Variants in RAB6A observed in about 807,000 individuals in gnomAD.
RAB6A encodes RAB6A, member RAS oncogene family, also known as ras-related protein Rab-6A.
In RAB6A, 8 loss-of-function variants were observed where a neutral mutation model predicts 32.3. That is an observed-to-expected ratio of 0.25 (90% CI 0.15 to 0.45). The LOEUF (loss-of-function observed/expected upper bound fraction) is 0.45, where lower values mean the gene tolerates loss of function less well. Ranked by LOEUF, RAB6A falls within the 20% of genes least tolerant of loss-of-function variation. The pLI is 1.00. For missense variants in RAB6A, 104 were observed against 249.4 expected (o/e 0.42, Z 3.93); for synonymous variants, 73 against 82.1 (o/e 0.89, Z 0.60).
intron 6 of RAB6A, among the ~76,000 whole-genome samples, chr11:73,680,174 A>C (rs1228847344): frequency 6.6e-6 from 1 of 152,216 alleles, no homozygotes; most frequent in Non-Finnish European, 1.5e-5. Context: ...AAAGCAATAT[A>C]CCAAATACAA....
intron 5 of RAB6A, among the ~76,000 whole-genome samples, chr11:73,709,440 T>TTATTATTAC (rs1555058125): frequency 1.5e-5 from 2 of 137,908 alleles, no homozygotes; most frequent in Admixed American, 7.4e-5. Flanking sequence ...CTTAAGTATA[T>TTATTATTAC]TATTATTATT....
chr11:73,683,548 G>A (rs1247602452), intron 6 of RAB6A, among the ~76,000 whole-genome samples: 3 of 151,074 alleles, frequency 2.0e-5, no homozygotes, highest in South Asian at 4.2e-4. Context: ...ATGCACCACC[G>A]CACCTGGTGG....
chr11:73,689,344 T>G (rs1485132072), intron 6 of RAB6A, among the ~76,000 whole-genome samples: 1 of 152,200 alleles, frequency 6.6e-6, no homozygotes, highest in Non-Finnish European at 1.5e-5. Flanking sequence ...CAATGTGCAG[T>G]TCACAATAGT....
intron 1 of RAB6A, among the ~76,000 whole-genome samples, chr11:73,759,569 G>A (rs1322694985): frequency 6.6e-6 from 1 of 152,036 alleles, no homozygotes. Flanking sequence ...TTTTCCAAAG[G>A]AAATCCGACA....
chr11:73,701,417 T>TACCA (rs1274369324), intron 6 of RAB6A, among the ~76,000 whole-genome samples: 5 of 152,220 alleles, frequency 3.3e-5, no homozygotes, highest in Admixed American at 6.5e-5. Context: ...AAGTCCTGAA[T>TACCA]ACCAGCACAA....
At chr11:73,730,678 A>C (rs1449314177) in intron 2 of RAB6A, 87 bp downstream of exon 2, 1 of 1,059,744 alleles carries the variant, frequency 9.4e-7, no homozygotes, top group Non-Finnish European at 1.4e-6. Flanking sequence ...TACATCCACA[A>C]CTGCAAGTAA....
intron 5 of RAB6A, among the ~76,000 whole-genome samples, chr11:73,713,524 C>T (rs1298495926): frequency 2.0e-5 from 3 of 150,126 alleles, no homozygotes; most frequent in Admixed American, 6.6e-5. Flanking sequence ...GCCAAGATTG[C>T]GCCACTGCAC....
intron 4 of RAB6A, 92 bp downstream of exon 4, chr11:73,718,521 C>T (rs1565362649): frequency 6.6e-6 from 7 of 1,064,618 alleles, no homozygotes; most frequent in Non-Finnish European, 9.5e-6. Context: ...TTTTTACATG[C>T]CAGTAAGGAA....
At chr11:73,682,007 G>A (rs1945366184) in intron 6 of RAB6A, among the ~76,000 whole-genome samples, 1 of 152,140 alleles carries the variant, frequency 6.6e-6, no homozygotes, top group Non-Finnish European at 1.5e-5. Context: ...TCAGCTGTAA[G>A]ACTTTGAATT....
Position 73,761,043 on chromosome 11 carries a change from T to TGCC in RAB6A, c.-411_-409dup, listed in dbSNP as rs557776606. 3.2e-3 allele frequency: 511 copies of TGCC among 159,702 alleles called. 1 individual carries two copies. Among genetic ancestry groups the TGCC allele is most frequent in the African/African-American group, 0.012 (475 of 41,128 alleles). 9.9% of individuals were successfully genotyped at this position (159,702 alleles called of 1,614,324 possible). ...CGCGCAGCGCCTGAGCTTCCACAGC[T>TGCC]GCCGCCGCCGCCGCAGCCCAACCTG... On this transcript the variant is annotated 5_prime_UTR_variant, in exon 1 of 8. Coordinates refer to ENST00000336083, the MANE Select transcript of RAB6A (RefSeq NM_198896.2).
At chr11:73,709,961 A>ATATATAT (rs1555058418) in intron 5 of RAB6A, among the ~76,000 whole-genome samples, 8 of 81,740 alleles carry the variant, frequency 9.8e-5, no homozygotes, top group South Asian at 6.4e-4. Flanking sequence ...ATATATATAT[A>ATATATAT]TTTTTTTTTT....
At chr11:73,732,781 C>T (rs1352862152) in intron 1 of RAB6A, among the ~76,000 whole-genome samples, 1 of 151,936 alleles carries the variant, frequency 6.6e-6, no homozygotes, top group East Asian at 1.9e-4. Context: ...ACAAACAGAT[C>T]TGTTCAGGCA....
Position 73,677,492 on chromosome 11 carries a change from G to A in RAB6A, c.*406C>T, listed in dbSNP as rs1945287495. On this transcript the variant is annotated 3_prime_UTR_variant, in exon 8 of 8. Coordinates refer to ENST00000336083, the MANE Select transcript of RAB6A (RefSeq NM_198896.2). ...TAAGAATAGGGTAATAGGGAATGGGGGTAAGTGAGAGGTGAGAAAAGCAAG... is the reference window on the plus strand; with the variant it reads ...TAAGAATAGGGTAATAGGGAATGGGAGTAAGTGAGAGGTGAGAAAAGCAAG... The A allele has an allele frequency of 1.8e-5, 6 of 338,936 alleles. No homozygotes were observed. Among genetic ancestry groups the A allele is most frequent in the Admixed American group, 4.6e-5 (1 of 21,850 alleles). The allele number at this position is 338,936 out of a possible 1,614,324, so 21.0% of individuals were successfully genotyped here. A position where few individuals can be genotyped will look rare whatever the true frequency, so the allele number is the denominator to read the frequency against.
chr11:73,731,684 T>TAATA (rs1318187273), intron 1 of RAB6A, among the ~76,000 whole-genome samples: 218 of 14,184 alleles, frequency 0.015, 9 homozygotes, highest in South Asian at 0.022. Flanking sequence ...TAGATAGATA[T>TAATA]TATATATATA....
intron 1 of RAB6A, among the ~76,000 whole-genome samples, chr11:73,737,994 CAA>C (rs57456237): frequency 2.0e-5 from 2 of 99,714 alleles, no homozygotes; most frequent in Non-Finnish European, 1.9e-5. Flanking sequence ...GACTCCATCT[CAA>C]AAAAAAAAAA....
chr11:73,723,822 A>G (rs1946177214), intron 2 of RAB6A, among the ~76,000 whole-genome samples: 1 of 152,218 alleles, frequency 6.6e-6, no homozygotes, highest in Non-Finnish European at 1.5e-5. Flanking sequence ...AAAGGACAAT[A>G]AAAGATATTA....
intron 1 of RAB6A, among the ~76,000 whole-genome samples, chr11:73,754,287 G>T (rs1383350125): frequency 1.3e-5 from 2 of 152,182 alleles, no homozygotes; most frequent in Non-Finnish European, 2.9e-5. Context: ...CAATTGACTT[G>T]ATATTACCTA....
intron 4 of RAB6A, among the ~76,000 whole-genome samples, chr11:73,717,686 C>T (rs186494837): frequency 5.3e-4 from 80 of 152,304 alleles, no homozygotes; most frequent in African/African-American, 1.8e-3. Context: ...TCAGGTGATC[C>T]GCCTGCCTTG....
chr11:73,730,456 T>C (rs1358051499), intron 2 of RAB6A: 1 of 232,020 alleles, frequency 4.3e-6, no homozygotes, highest in African/African-American at 2.3e-5. Flanking sequence ...CAAATGTAGA[T>C]AAAAAATGTC....
Sources: allele counts gnomAD v4.1 joint callset (sites outside exome capture counted in the v4.1 genomes callset), GRCh38; gene constraint gnomAD v4.1.1; transcripts MANE v1.5; gene names NCBI Gene and HGNC (gene_info 2026-07-23, HGNC 2026-07-21).